The following ZNF451 variants were observed in gnomAD, a reference collection of about 807,000 sequenced individuals.
ZNF451 encodes zinc finger protein 451, also known as E3 SUMO-protein ligase ZNF451.
ZNF451 carries 80 observed loss-of-function variants against 107.1 expected under a neutral mutation model. The ratio of observed to expected loss-of-function variants is 0.75; its 90% CI spans 0.62 to 0.90. The LOEUF is 0.90. ZNF451 is among the 40% of genes least tolerant of loss of function. The probability of loss-of-function intolerance (pLI) is 0.00; values close to 1 mark genes in which losing one functional copy is unlikely to be tolerated. For missense variants in ZNF451, 1,107 were observed against 1,236.2 expected, an observed-to-expected ratio of 0.90 and a Z score of 1.57; for synonymous variants, 362 against 406.5, an observed-to-expected ratio of 0.89 and a Z score of 1.32.
At chr6:57,131,878 G>T (rs1011671979) in intron 5 of ZNF451, among the ~76,000 whole-genome samples, 1 of 152,134 alleles carries the variant, frequency 6.6e-6, no homozygotes, top group Non-Finnish European at 1.5e-5. Flanking sequence ...AATACTTGTG[G>T]TTGTTTTGCA....
At chr6:57,122,689 G>C (rs1830700207) in intron 3 of ZNF451, among the ~76,000 whole-genome samples, 1 of 152,202 alleles carries the variant, frequency 6.6e-6, no homozygotes, top group African/African-American at 2.4e-5. Flanking sequence ...TCTCACAGCA[G>C]TCAAAATGGT....
At chr6:57,134,922 T>G (rs932848533) in intron 7 of ZNF451, 52 bp downstream of exon 7, 4 of 1,500,470 alleles carry the variant, frequency 2.7e-6, no homozygotes, top group Non-Finnish European at 3.6e-6. Flanking sequence ...AGCCATGGAG[T>G]TAAGTGGAGG....
chr6:57,168,423 A>AT lies in ZNF451; in HGVS notation c.3141dup (p.Val1048CysfsTer8). ...TAAAATTCTATGTTTTTTAATGCAG[A>AT]TGTGGAATTAGAAGAAGCTATTAGA... On this transcript the variant is annotated frameshift_variant and splice_region_variant, in exon 15 of 15. Transcript: ENST00000370706. LOFTEE classifies it high-confidence loss of function. 6.2e-7 allele frequency: 1 copy of AT among 1,603,220 alleles called. No homozygotes were observed. The highest frequency in any genetic ancestry group is 1.1e-5 in the South Asian group (1 of 89,766).
In ZNF451 at chr6:57,113,620, A is replaced by G. The variant is rs373135692; in HGVS notation, c.187-11114A>G. Among the ~76,000 whole-genome samples, 1,297 of 137,252 alleles carry G rather than the reference A, an allele frequency of 9.4e-3. 15 individuals are homozygous for G. The highest frequency in any genetic ancestry group is 0.03 in the Middle Eastern group (8 of 266). 90.0% of individuals were successfully genotyped at this position (137,252 alleles called of 152,430 possible). ...CTCATGGGTCTTCTGAGAAAAAAAA[A>G]TTTTTTTTTTTTTTTTTTTGAGATG... On this transcript the variant is annotated intron_variant, in intron 3 of 14. Transcript: ENST00000370706.
chr6:57,099,056 T>G lies in ZNF451; in HGVS notation c.106-5T>G. 1 of 1,612,430 alleles carries G rather than the reference T, an allele frequency of 6.2e-7. No individual in the cohort carries two copies. Among genetic ancestry groups the G allele is most frequent in the African/African-American group, 1.3e-5 (1 of 75,000 alleles). ...TGACTTCTAAATTTGCTTGATTGTT[T>G]ATAGGAAGGACCATTACGACCTGTT... On this transcript the variant is annotated splice_region_variant and splice_polypyrimidine_tract_variant and intron_variant, in intron 2 of 14. Transcript: ENST00000370706.
chr6:57,097,883 C>T (rs746726568), intron 2 of ZNF451, among the ~76,000 whole-genome samples: 59 of 151,534 alleles, frequency 3.9e-4, no homozygotes, highest in Non-Finnish European at 7.1e-4. Flanking sequence ...CTTATAGTCA[C>T]CTGAGGTTAA....
chr6:57,124,617 T>A (rs1830830673), intron 3 of ZNF451, 117 bp from the exon 4 acceptor site: 1 of 773,526 alleles, frequency 1.3e-6, no homozygotes, highest in Non-Finnish European at 2.2e-6. Context: ...ATACACAAAA[T>A]AGGTTCTTAT....
intron 5 of ZNF451, 34 bp downstream of exon 5, chr6:57,128,874 C>T (rs1313390599): frequency 6.7e-7 from 1 of 1,497,252 alleles, no homozygotes; most frequent in Non-Finnish European, 9.2e-7. Context: ...GGTTACCTAG[C>T]TTCCCCAAAG....
intron 3 of ZNF451, chr6:57,105,118 A>T: frequency 5.1e-6 from 5 of 985,416 alleles, no homozygotes; most frequent in Non-Finnish European, 6.0e-6. Context: ...TCAGATAATA[A>T]ATCCTCATAT....
At chr6:57,166,281 G>A (rs1763893077) in intron 14 of ZNF451, among the ~76,000 whole-genome samples, 1 of 152,156 alleles carries the variant, frequency 6.6e-6, no homozygotes, top group East Asian at 1.9e-4. Flanking sequence ...GCCCACCTTG[G>A]CCTTCCAAAG....
At chr6:57,140,293 C>T (rs182023402) in intron 7 of ZNF451, among the ~76,000 whole-genome samples, 43 of 152,200 alleles carry the variant, frequency 2.8e-4, no homozygotes, top group African/African-American at 8.7e-4. Flanking sequence ...AGGCCAGGCA[C>T]GGTGGCTCAT....
intron 3 of ZNF451, among the ~76,000 whole-genome samples, chr6:57,123,090 C>T (rs1156844732): frequency 6.6e-6 from 1 of 152,146 alleles, no homozygotes; most frequent in Non-Finnish European, 1.5e-5. Flanking sequence ...ATTGCTTGAG[C>T]CTGGCAGGTC....
chr6:57,090,391 T>G, intron 1 of ZNF451, 117 bp downstream of exon 1: 1 of 1,483,688 alleles, frequency 6.7e-7, no homozygotes, highest in Non-Finnish European at 9.1e-7. Flanking sequence ...CTCTTCAGTG[T>G]CTTGGGCCGA....
At chr6:57,163,616 A>G (rs1460755318) in intron 14 of ZNF451, among the ~76,000 whole-genome samples, 3 of 149,268 alleles carry the variant, frequency 2.0e-5, no homozygotes, top group South Asian at 2.2e-4. Flanking sequence ...ACGCCCGGCT[A>G]ATTTTTTGTA....
chr6:57,168,424 T>G lies in ZNF451; in HGVS notation c.3141T>G (p.Asp1047Glu), dbSNP rs767738504. 6.2e-7 allele frequency: 1 copy of G among 1,603,634 alleles called. No homozygotes were observed. The highest frequency in any genetic ancestry group is 8.5e-7 in the Non-Finnish European group (1 of 1,173,258). ...AAAATTCTATGTTTTTTAATGCAGA[T>G]GTGGAATTAGAAGAAGCTATTAGAA... ...SIGEEFISTE[D>E]VELEEAIRRS... Residue 1047 changes from aspartate (D) to glutamate (E), a missense_variant and splice_region_variant, in exon 15 of 15, where the codon GAT becomes GAG. Transcript: ENST00000370706.
Position 57,105,267 on chromosome 6 carries a change from AATG to A in ZNF451, c.186+6129_186+6131del, listed in dbSNP as rs1195038610. 7 of 985,120 alleles carry A rather than the reference AATG, an allele frequency of 7.1e-6. No homozygotes were observed. In the African/African-American group the frequency reaches 1.0e-4, roughly 15 times the overall value. 61.0% of individuals were successfully genotyped at this position (985,120 alleles called of 1,614,324 possible). A position where few individuals can be genotyped will look rare whatever the true frequency, so the allele number is the denominator to read the frequency against. ...TGGTATTCTCAAAAAGGATGTATCT[AATG>A]ATCTTGATTCTTCAAAATGTTATTT... On this transcript the variant is annotated intron_variant, in intron 3 of 14. Coordinates refer to ENST00000370706, the MANE Select transcript of ZNF451 (RefSeq NM_001031623.3).
At chr6:57,131,742 T>C (rs1012586542) in intron 5 of ZNF451, among the ~76,000 whole-genome samples, 1 of 152,192 alleles carries the variant, frequency 6.6e-6, no homozygotes, top group African/African-American at 2.4e-5. Context: ...TTAGGGGCTT[T>C]GTAGAAAATT....
At chr6:57,092,784 G>C (rs941003646) in intron 2 of ZNF451, 7 of 152,012 alleles carry the variant, frequency 4.6e-5, no homozygotes, top group African/African-American at 1.7e-4. Flanking sequence ...CCCACTTTTA[G>C]TCCACTTGGT....
At chr6:57,095,088 G>A (rs1315702897) in intron 2 of ZNF451, among the ~76,000 whole-genome samples, 1 of 152,130 alleles carries the variant, frequency 6.6e-6, no homozygotes, top group Non-Finnish European at 1.5e-5. Context: ...TATCATGGAA[G>A]TTTTTCCATA....
Sources: allele counts gnomAD v4.1 joint callset (sites outside exome capture counted in the v4.1 genomes callset), GRCh38; gene constraint gnomAD v4.1.1; transcripts MANE v1.5; gene names NCBI Gene and HGNC (gene_info 2026-07-23, HGNC 2026-07-21).